ADAMTS12: variants seen among roughly 807,000 people sequenced by gnomAD.
ADAMTS12 encodes A disintegrin and metalloproteinase with thrombospondin motifs 12.
In ADAMTS12, 118 loss-of-function variants were observed where a neutral mutation model predicts 167.8. The ratio of observed to expected loss-of-function variants is 0.70; its 90% CI spans 0.61 to 0.82. ADAMTS12 has a LOEUF of 0.82. Among genes scored for constraint, ADAMTS12 ranks in the 40% least tolerant of loss-of-function variants. The pLI is 0.00. For missense variants in ADAMTS12, 1,916 were observed against 1,998.8 expected, an observed-to-expected ratio of 0.96 and a Z score of 0.79; for synonymous variants, 704 against 716.9, an observed-to-expected ratio of 0.98 and a Z score of 0.29.
At chr5:33,583,874 T>C (rs1382102913) in intron 18 of ADAMTS12, among the ~76,000 whole-genome samples, 1 of 152,196 alleles carries the variant, frequency 6.6e-6, no homozygotes, top group Non-Finnish European at 1.5e-5. Context: ...GAGGGTAACA[T>C]TTAATTTTGG....
At chr5:33,718,359 A>G (rs187221002) in intron 3 of ADAMTS12, among the ~76,000 whole-genome samples, 25 of 152,338 alleles carry the variant, frequency 1.6e-4, no homozygotes, top group Non-Finnish European at 3.2e-4. Context: ...ACCAGGCCGC[A>G]TAGCAGGAGG....
rs79610522 is a variant in ADAMTS12, at chr5:33,737,315, A to T, written c.634+14089T>A. On this transcript the variant is annotated intron_variant, in intron 3 of 23. Coordinates refer to ENST00000504830, the MANE Select transcript of ADAMTS12 (RefSeq NM_030955.4). ...TCCCCTTCCCTAATTAAGTTTCCCAATCCCTTATCTGAAATGCTTGTGAGG... is the reference window on the plus strand; with the variant it reads ...TCCCCTTCCCTAATTAAGTTTCCCATTCCCTTATCTGAAATGCTTGTGAGG... 3.3e-5 allele frequency among the ~76,000 whole-genome samples: 5 copies of T among 152,118 alleles called. No homozygotes were observed. In the South Asian group the frequency reaches 8.3e-4, roughly 25 times the overall value.
intron 3 of ADAMTS12, chr5:33,751,100 A>G (rs1434888770): frequency 4.4e-6 from 2 of 455,550 alleles, no homozygotes; most frequent in Admixed American, 3.9e-5. Context: ...AGTTTTTTAA[A>G]AAAAATTCAT....
chr5:33,596,581 CT>C (rs1163858696), intron 16 of ADAMTS12, among the ~76,000 whole-genome samples: 1 of 152,170 alleles, frequency 6.6e-6, no homozygotes, highest in Non-Finnish European at 1.5e-5. Flanking sequence ...ACTTGGGAGG[CT>C]GAGGCAGGAG....
chr5:33,633,757 A>G (rs892412865), intron 12 of ADAMTS12, among the ~76,000 whole-genome samples: 1 of 152,084 alleles, frequency 6.6e-6, no homozygotes, highest in African/African-American at 2.4e-5. Flanking sequence ...GGGAGTCATC[A>G]CTGGTATCAG....
chr5:33,869,227 C>G (rs1749945966), intron 2 of ADAMTS12, among the ~76,000 whole-genome samples: 1 of 152,126 alleles, frequency 6.6e-6, no homozygotes, highest in Admixed American at 6.5e-5. Flanking sequence ...TAAAAGGGTC[C>G]CAGACATATG....
intron 3 of ADAMTS12, among the ~76,000 whole-genome samples, chr5:33,746,847 G>C (rs1744807862): frequency 6.6e-6 from 1 of 152,218 alleles, no homozygotes; most frequent in Non-Finnish European, 1.5e-5. Flanking sequence ...ACTGGGTCTA[G>C]AGCAGAGCTG....
chr5:33,528,189 T>A (rs2111717535), intron 23 of ADAMTS12, among the ~76,000 whole-genome samples: 1 of 152,048 alleles, frequency 6.6e-6, no homozygotes, highest in Admixed American at 6.5e-5. Flanking sequence ...AAACCAAATA[T>A]ATGTTCTCAT....
At chr5:33,810,515 T>G in intron 2 of ADAMTS12, among the ~76,000 whole-genome samples, 1 of 152,210 alleles carries the variant, frequency 6.6e-6, no homozygotes, top group Non-Finnish European at 1.5e-5. Flanking sequence ...ATTGGTCCTA[T>G]TCAATATGTG....
chr5:33,768,549 G>C (rs1432772629), intron 2 of ADAMTS12, among the ~76,000 whole-genome samples: 4 of 152,042 alleles, frequency 2.6e-5, no homozygotes, highest in Non-Finnish European at 5.9e-5. Context: ...TAGATATATG[G>C]AAATATAATA....
intron 2 of ADAMTS12, among the ~76,000 whole-genome samples, chr5:33,818,369 T>C (rs1475009400): frequency 6.6e-6 from 1 of 152,154 alleles, no homozygotes; most frequent in African/African-American, 2.4e-5. Flanking sequence ...TGCAATTATT[T>C]TTCTTTCTGT....
chr5:33,638,660 T>C lies in ADAMTS12; in HGVS notation c.1719-914A>G, dbSNP rs760391001. On this transcript the variant is annotated intron_variant, in intron 11 of 23. Transcript: ENST00000504830. ...AGTGACACTTTGTGTGCCAGCTGCC[T>C]GCACGTCCTGAATCTATCATTCCCA... Among the ~76,000 whole-genome samples the C allele has an allele frequency of 2.6e-5, 4 of 152,324 alleles. No individual in the cohort carries two copies. In the South Asian group the frequency reaches 8.3e-4, roughly 32 times the overall value.
intron 2 of ADAMTS12, among the ~76,000 whole-genome samples, chr5:33,857,726 C>T (rs1749461119): frequency 6.6e-6 from 1 of 152,138 alleles, no homozygotes; most frequent in Non-Finnish European, 1.5e-5. Flanking sequence ...CTAAGTTAGA[C>T]GTTAGAGCAA....
At chr5:33,723,283 T>C (rs6873361) in intron 3 of ADAMTS12, among the ~76,000 whole-genome samples, 73 of 152,334 alleles carry the variant, frequency 4.8e-4, no homozygotes, top group African/African-American at 1.7e-3. Flanking sequence ...TACTCTCTTA[T>C]TCTCCCTTTT....
chr5:33,694,259 T>A (rs574774733), intron 3 of ADAMTS12, among the ~76,000 whole-genome samples: 2 of 152,336 alleles, frequency 1.3e-5, no homozygotes, highest in South Asian at 2.1e-4. Flanking sequence ...AAATTTCTTC[T>A]CTAATTCTTT....
chr5:33,818,579 TG>T (rs1352469123), intron 2 of ADAMTS12, among the ~76,000 whole-genome samples: 4 of 151,724 alleles, frequency 2.6e-5, no homozygotes, highest in African/African-American at 9.6e-5. Flanking sequence ...TTCCTCTCTT[TG>T]GGGTATACTC....
chr5:33,640,200 C>T (rs1406443145), intron 11 of ADAMTS12, among the ~76,000 whole-genome samples: 1 of 152,170 alleles, frequency 6.6e-6, no homozygotes, highest in African/African-American at 2.4e-5. Flanking sequence ...GATGCGGTGC[C>T]ATTGGCAGTG....
rs145708252 is a variant in ADAMTS12, at chr5:33,534,191, G to A, written c.4606+642C>T. On this transcript the variant is annotated intron_variant, in intron 23 of 23. Transcript: ENST00000504830. Reference sequence around the variant, plus strand: ...CAATGGCTGAAGAGTGTGGGAGTGTGAATGTACCACTTACTGGCTCAGGAG... The same window carrying A: ...CAATGGCTGAAGAGTGTGGGAGTGTAAATGTACCACTTACTGGCTCAGGAG... 7.6e-3 allele frequency among the ~76,000 whole-genome samples: 1,156 copies of A among 152,230 alleles called. 5 individuals are homozygous for A. The highest frequency in any genetic ancestry group is 0.051 in the Middle Eastern group (15 of 294).
intron 7 of ADAMTS12, among the ~76,000 whole-genome samples, chr5:33,652,546 T>C (rs57400361): frequency 0.04 from 6,135 of 152,250 alleles, 320 homozygotes; most frequent in East Asian, 0.24. Flanking sequence ...GTCAGATGTA[T>C]AGTTTACATA....
Sources: gnomAD v4.1 joint callset for allele counts (sites outside exome capture counted in the v4.1 genomes callset) on GRCh38, gnomAD v4.1.1 for gene constraint, MANE v1.5 for transcripts, NCBI Gene and HGNC (gene_info 2026-07-23, HGNC 2026-07-21) for gene names.